The following CRNKL1 variants were observed in gnomAD, a reference collection of about 807,000 sequenced individuals.
CRNKL1 encodes crooked neck pre-mRNA splicing factor 1.
In CRNKL1, 35 loss-of-function variants were observed where a neutral mutation model predicts 103.7. The ratio of observed to expected loss-of-function variants is 0.34; its 90% CI spans 0.26 to 0.45. The LOEUF is 0.45. CRNKL1 is among the 20% of genes least tolerant of loss of function. The pLI is 1.00. For synonymous variants in CRNKL1, 267 were observed against 282.6 expected, an observed-to-expected ratio of 0.94 and a Z score of 0.55; for missense variants, 645 against 836.0, an observed-to-expected ratio of 0.77 and a Z score of 2.82.
At chr20:20,050,211 C>T (rs1044003185) in intron 2 of CRNKL1, among the ~76,000 whole-genome samples, 1 of 152,368 alleles carries the variant, frequency 6.6e-6, no homozygotes, top group Non-Finnish European at 1.5e-5. Context: ...GTTGTTCCAT[C>T]TGCTAAACTT....
At chr20:20,039,508 A>G (rs948185423) in intron 11 of CRNKL1, 101 bp downstream of exon 11, 4 of 1,397,530 alleles carry the variant, frequency 2.9e-6, no homozygotes, top group African/African-American at 1.4e-5. Flanking sequence ...AGTTAGTTAG[A>G]TCATCGTTAT....
At position 20,034,925 on chromosome 20, in the gene CRNKL1, TTAAAAA is replaced by T. The variant is rs2146476147; in HGVS notation, c.*1264_*1269del. On this transcript the variant is annotated 3_prime_UTR_variant, in exon 14 of 14. Coordinates refer to ENST00000536226, the MANE Select transcript of CRNKL1 (RefSeq NM_001278628.2). ...AAGGTCCTTTTAGGGGAAAACAACC[TTAAAAA>T]TACAGTTCTAGTCCTTGGGCAGTGA... The T allele has an allele frequency of 6.6e-6, 1 of 152,292 alleles. No homozygotes were observed. Among genetic ancestry groups the T allele is most frequent in the African/African-American group, 2.4e-5 (1 of 41,560 alleles). The allele number at this position is 152,292 out of a possible 1,614,324, so 9.4% of individuals were successfully genotyped here.
At position 20,036,302 on chromosome 20, in the gene CRNKL1, G is replaced by T. The variant is rs749703305; in HGVS notation, c.1957C>A (p.Pro653Thr). Residue 653 changes from proline to threonine, a missense_variant, in exon 14 of 14, where the codon CCT becomes ACT. By Grantham distance (38) the Pro-to-Thr change is conservative. Transcript: ENST00000536226. ...GCCATGGCCAGGAGTTTGAGGTTAG[G>T]TTGGTTGGCAGCATCTTCTGGAAAG... ...YIFPEDAANQ[P>T]NLKLLAMAKL... 1 of 1,614,174 alleles carries T rather than the reference G, an allele frequency of 6.2e-7. No individual in the cohort carries two copies. Among genetic ancestry groups the T allele is most frequent in the South Asian group, 1.1e-5 (1 of 91,088 alleles).
At chr20:20,047,182 C>T (rs7263095) in intron 5 of CRNKL1, among the ~76,000 whole-genome samples, 7,882 of 152,142 alleles carry the variant, frequency 0.052, 695 homozygotes, top group African/African-American at 0.18. Context: ...GCAGCCAGGA[C>T]CTTAGTACAG....
intron 5 of CRNKL1, among the ~76,000 whole-genome samples, chr20:20,047,467 C>T (rs1266223979): frequency 6.6e-6 from 1 of 152,080 alleles, no homozygotes; most frequent in East Asian, 1.9e-4. Context: ...TTTGGTATCC[C>T]CTTGAGTTCC....
upstream of CRNKL1, among the ~76,000 whole-genome samples, chr20:20,055,518 A>C (rs1255697145): frequency 5.3e-5 from 8 of 152,314 alleles, no homozygotes; most frequent in African/African-American, 1.9e-4. Context: ...TTCTATCCCC[A>C]AAACCTGTGT....
In CRNKL1 at chr20:20,037,369, A is replaced by G. The variant is rs765794893; in HGVS notation, c.1850T>C (p.Met617Thr). The change falls in exon 13 of 14, where the codon ATG (methionine) becomes ACG (threonine). Residue 617 changes from methionine (M) to threonine (T), a missense_variant. Coordinates refer to ENST00000536226, the MANE Select transcript of CRNKL1 (RefSeq NM_001278628.2). ...ASDKERVDKL[M>T]PEKVKKRRKV... ...TCTTCTCTTCTTGACTTTCTCTGGC[A>G]TGAGTTTGTCTACTCTCTCCTTATC... is the stretch of plus-strand genomic sequence containing the variant. The G allele has an allele frequency of 6.2e-7, 1 of 1,614,156 alleles. No homozygotes were observed. Among genetic ancestry groups the G allele is most frequent in the Non-Finnish European group, 8.5e-7 (1 of 1,180,026 alleles).
At chr20:20,053,205 C>T (rs934998114), upstream of CRNKL1, among the ~76,000 whole-genome samples, 5 of 152,108 alleles carry the variant, frequency 3.3e-5, no homozygotes, top group African/African-American at 1.2e-4. Flanking sequence ...AACCTGCCCT[C>T]AAAAACTGAA....
intron 11 of CRNKL1, among the ~76,000 whole-genome samples, chr20:20,039,328 C>CT (rs1478231866): frequency 6.6e-6 from 1 of 152,170 alleles, no homozygotes; most frequent in Non-Finnish European, 1.5e-5. Context: ...TCCCCAGCCC[C>CT]TTTAGGCTTT....
intron 5 of CRNKL1, among the ~76,000 whole-genome samples, chr20:20,047,179 G>A (rs557546814): frequency 6.6e-6 from 1 of 152,282 alleles, no homozygotes; most frequent in African/African-American, 2.4e-5. Flanking sequence ...ATGGCAGCCA[G>A]GACCTTAGTA....
intron 6 of CRNKL1, 46 bp from the exon 7 acceptor site, chr20:20,043,708 T>C: frequency 6.4e-7 from 1 of 1,561,216 alleles, no homozygotes; most frequent in South Asian, 1.1e-5. Context: ...AATATTCTCA[T>C]GCCAGTCACA....
intron 11 of CRNKL1, among the ~76,000 whole-genome samples, chr20:20,038,841 CTTG>C (rs1488978233): frequency 6.6e-6 from 1 of 152,182 alleles, no homozygotes; most frequent in Non-Finnish European, 1.5e-5. Context: ...CTGTACATTC[CTTG>C]TTATTATGAG....
At chr20:20,040,358 G>A (rs575461476) in intron 10 of CRNKL1, among the ~76,000 whole-genome samples, 17 of 151,338 alleles carry the variant, frequency 1.1e-4, no homozygotes, top group African/African-American at 3.9e-4. Context: ...AAAAAAAGTG[G>A]AACAATTAAA....
upstream of CRNKL1, chr20:20,052,818 C>T (rs983682036): frequency 3.2e-6 from 4 of 1,239,838 alleles, no homozygotes; most frequent in Middle Eastern, 2.4e-4. Context: ...TGCGACGGGG[C>T]GAGCTGCCGC....
At position 20,045,354 on chromosome 20, in the gene CRNKL1, T is replaced by G; in HGVS notation, c.755A>C (p.Glu252Ala). 2 of 1,613,452 alleles carry G rather than the reference T, an allele frequency of 1.2e-6. No homozygotes were observed. The highest frequency in any genetic ancestry group is 4.5e-5 in the East Asian group (2 of 44,838). ...VEFFGDEHMDEHLYVAFAKFE... is the reference protein window; with the variant it reads ...VEFFGDEHMDAHLYVAFAKFE... ...CTTGGCAAAGGCAACATAAAGGTGCTCATCCATATGTTCATCTCCAAAGAA... is the reference window on the plus strand; with the variant it reads ...CTTGGCAAAGGCAACATAAAGGTGCGCATCCATATGTTCATCTCCAAAGAA... The change falls in exon 6 of 14, where the codon GAG becomes GCG. Residue 252 changes from glutamate (E) to alanine (A), a missense_variant. By Grantham distance (107) the Glu-to-Ala change is moderately radical (BLOSUM62 -1). Around this residue, in one of 2 missense-constraint regions of CRNKL1, gnomAD observed 582 missense variants for 707.7 expected, o/e 0.82. Coordinates refer to ENST00000536226, the MANE Select transcript of CRNKL1 (RefSeq NM_001278628.2).
At chr20:20,053,326 A>G (rs1192263764), upstream of CRNKL1, among the ~76,000 whole-genome samples, 1 of 152,228 alleles carries the variant, frequency 6.6e-6, no homozygotes, top group African/African-American at 2.4e-5. Context: ...GCTTCCTGCT[A>G]TCAATTATTG....
intron 1 of CRNKL1, among the ~76,000 whole-genome samples, chr20:20,051,485 T>C (rs919022204): frequency 4.6e-5 from 7 of 152,252 alleles, no homozygotes; most frequent in African/African-American, 1.7e-4. Flanking sequence ...ATAAAAAATG[T>C]TACTTAATGC....
At chr20:20,052,784 G>C, upstream of CRNKL1, 3 of 1,469,396 alleles carry the variant, frequency 2.0e-6, no homozygotes, top group Non-Finnish European at 2.8e-6. Flanking sequence ...AGAAGGGAGA[G>C]CGAGGAAACT....
chr20:20,042,259 T>C (rs942608940), intron 8 of CRNKL1, 66 bp downstream of exon 8: 31 of 1,365,720 alleles, frequency 2.3e-5, no homozygotes, highest in Middle Eastern at 3.8e-4. Flanking sequence ...ACATCCACAA[T>C]AGGTGAGCTG....
Sources: allele counts gnomAD v4.1 joint callset (sites outside exome capture counted in the v4.1 genomes callset), GRCh38; gene constraint gnomAD v4.1.1; regional missense constraint gnomAD v4.1.1; transcripts MANE v1.5; gene names NCBI Gene and HGNC (gene_info 2026-07-23, HGNC 2026-07-21).